Variants in SLC13A1 observed in about 807,000 individuals in gnomAD.
SLC13A1 encodes solute carrier family 13 member 1.
In SLC13A1, 65 loss-of-function variants were observed where a neutral mutation model predicts 70.0. The observed-to-expected ratio is 0.93, with a 90% CI of 0.76 to 1.14. The LOEUF (loss-of-function observed/expected upper bound fraction) is 1.14, where lower values mean the gene tolerates loss of function less well. Among genes scored for constraint, SLC13A1 ranks in the 50% most tolerant of loss-of-function variants. SLC13A1 has a pLI of 0.00. For synonymous variants in SLC13A1, 275 were observed against 250.5 expected (o/e 1.10, Z -0.92); for missense variants, 726 against 717.8 (o/e 1.01, Z -0.13).
intron 1 of SLC13A1, among the ~76,000 whole-genome samples, chr7:123,186,166 G>T (rs1795790618): frequency 6.6e-6 from 1 of 151,768 alleles, no homozygotes; most frequent in African/African-American, 2.4e-5. Context: ...TAAAATCAAA[G>T]ATCTGTGAAT....
In SLC13A1 at chr7:123,123,157, CCA is replaced by C. The variant is rs1207494331; in HGVS notation, c.1317_1318del (p.Gly440TrpfsTer10). ...ACCATCTGCCAGGGCAAACCCTCCA[CCA>C]ACAAGAATGGCTATATCCCAGGGCA... On this transcript the variant is annotated frameshift_variant, in exon 12 of 15. Coordinates refer to ENST00000194130, the MANE Select transcript of SLC13A1 (RefSeq NM_022444.4). LOFTEE classifies it high-confidence loss of function. 6.2e-7 allele frequency: 1 copy of C among 1,613,456 alleles called. No homozygotes were observed. Among genetic ancestry groups the C allele is most frequent in the South Asian group, 1.1e-5 (1 of 91,070 alleles).
intron 2 of SLC13A1, among the ~76,000 whole-genome samples, chr7:123,173,648 G>C (rs911731872): frequency 1.1e-4 from 16 of 152,020 alleles, no homozygotes; most frequent in Admixed American, 7.2e-4. Context: ...GTTTGTTTAC[G>C]TGCTTATTGT....
rs1793535815 is a variant in SLC13A1, at chr7:123,125,671, G to T, written c.1138C>A (p.Pro380Thr). The T allele has an allele frequency of 1.2e-6, 2 of 1,608,600 alleles. No individual in the cohort carries two copies. The highest frequency in any genetic ancestry group is 1.7e-4 in the Middle Eastern group (1 of 6,034). ...ACAGTTGAATCTGTAGCAAAACCAG[G>T]GTACCTGTAAAAGGGACAAATACAT... ...PGWSALFSEY[P>T]GFATDSTVAL... Residue 380 changes from proline to threonine, a missense_variant, in exon 11 of 15, where the codon CCT (proline) becomes ACT (threonine). Transcript: ENST00000194130.
At chr7:123,147,061 A>G in intron 7 of SLC13A1, 98 bp downstream of exon 7, 1 of 1,221,196 alleles carries the variant, frequency 8.2e-7, no homozygotes, top group Non-Finnish European at 1.1e-6. Context: ...AGTTAACATA[A>G]CATCTCTGTA....
Position 123,125,517 on chromosome 7 carries a change from G to T in SLC13A1, c.1240+52C>A, listed in dbSNP as rs1585292490. Reference sequence around the variant, plus strand: ...TGCCAAGCGAAACCAATGGAATTTTGTAATTTTTGCTCTTCTGTTAAATTT... The same window carrying T: ...TGCCAAGCGAAACCAATGGAATTTTTTAATTTTTGCTCTTCTGTTAAATTT... On this transcript the variant is annotated intron_variant, in intron 11 of 14. Coordinates refer to ENST00000194130, the MANE Select transcript of SLC13A1 (RefSeq NM_022444.4). The T allele has an allele frequency of 3.0e-6, 4 of 1,329,210 alleles. No individual in the cohort carries two copies. In the East Asian group the frequency reaches 6.9e-5, roughly 23 times the overall value. 82.3% of individuals were successfully genotyped at this position (1,329,210 alleles called of 1,614,324 possible).
intron 9 of SLC13A1, 21 bp from the exon 10 acceptor site, chr7:123,128,967 C>T (rs774652986): frequency 4.0e-6 from 6 of 1,493,640 alleles, no homozygotes; most frequent in Non-Finnish European, 4.7e-6. Flanking sequence ...ATTCCAATGG[C>T]ATCACTTCTT....
intron 6 of SLC13A1, among the ~76,000 whole-genome samples, chr7:123,166,551 C>A (rs981160077): frequency 6.6e-6 from 1 of 152,066 alleles, no homozygotes; most frequent in Non-Finnish European, 1.5e-5. Flanking sequence ...CCCCTTCCCC[C>A]ACCACACAAC....
At chr7:123,187,772 A>G (rs1002802188) in intron 1 of SLC13A1, among the ~76,000 whole-genome samples, 1 of 152,216 alleles carries the variant, frequency 6.6e-6, no homozygotes, top group African/African-American at 2.4e-5. Flanking sequence ...TCATTTTAAT[A>G]GATGTAGTAT....
intron 1 of SLC13A1, among the ~76,000 whole-genome samples, chr7:123,182,614 G>C (rs1036096362): frequency 6.6e-6 from 1 of 152,014 alleles, no homozygotes; most frequent in African/African-American, 2.4e-5. Context: ...ATCTATGAGG[G>C]TCTGCTAAAA....
At chr7:123,171,976 T>C in intron 2 of SLC13A1, 72 bp from the exon 3 acceptor site, 1 of 1,413,326 alleles carries the variant, frequency 7.1e-7, no homozygotes, top group Non-Finnish European at 9.8e-7. Flanking sequence ...AAAGACATTA[T>C]TATGCTGCTC....
At chr7:123,164,669 A>G (rs901950405) in intron 6 of SLC13A1, among the ~76,000 whole-genome samples, 2 of 151,860 alleles carry the variant, frequency 1.3e-5, no homozygotes, top group Non-Finnish European at 2.9e-5. Flanking sequence ...AACTCATGTC[A>G]TGAGTGTTAG....
intron 1 of SLC13A1, among the ~76,000 whole-genome samples, chr7:123,183,224 T>C (rs1018475930): frequency 6.6e-6 from 1 of 152,150 alleles, no homozygotes; most frequent in East Asian, 1.9e-4. Flanking sequence ...GGCAATTCTA[T>C]ATATTTGATT....
At chr7:123,192,615 C>T (rs1461739483) in intron 1 of SLC13A1, among the ~76,000 whole-genome samples, 1 of 151,974 alleles carries the variant, frequency 6.6e-6, no homozygotes, top group Non-Finnish European at 1.5e-5. Flanking sequence ...AATCACAGAC[C>T]TCAATCACTA....
chr7:123,165,220 C>T (rs1374286245), intron 6 of SLC13A1, among the ~76,000 whole-genome samples: 2 of 151,882 alleles, frequency 1.3e-5, no homozygotes, highest in East Asian at 1.9e-4. Context: ...TAAAATAATG[C>T]TTTCATGCAT....
chr7:123,180,009 C>A (rs143509608), intron 2 of SLC13A1, among the ~76,000 whole-genome samples: 136 of 152,168 alleles, frequency 8.9e-4, no homozygotes, highest in African/African-American at 3.2e-3. Context: ...AGAATGTCAG[C>A]CTGGAGGCAA....
chr7:123,191,042 TC>T (rs1313678230), intron 1 of SLC13A1, among the ~76,000 whole-genome samples: 1 of 152,208 alleles, frequency 6.6e-6, no homozygotes, highest in Admixed American at 6.5e-5. Flanking sequence ...AATTTTATTT[TC>T]AAATTTATTC....
Position 123,128,849 on chromosome 7 carries a change from A to T in SLC13A1, c.1129T>A (p.Ser377Thr). The stretch of plus-strand genomic sequence containing the variant: ...AACATAACGTGCAAAGCTTACTCTG[A>T]AAAAAGTGCAGACCAACCAGGAACA... Reference protein sequence around the residue: ...GFVPGWSALFSEYPGFATDST... With the variant: ...GFVPGWSALFTEYPGFATDST... Residue 377 changes from serine to threonine, a missense_variant, in exon 10 of 15, where the codon TCA becomes ACA. Coordinates refer to ENST00000194130, the MANE Select transcript of SLC13A1 (RefSeq NM_022444.4). 6.2e-7 allele frequency: 1 copy of T among 1,610,232 alleles called. No individual in the cohort carries two copies. The highest frequency in any genetic ancestry group is 1.7e-4 in the Middle Eastern group (1 of 6,056).
At chr7:123,182,617 T>C (rs759747443) in intron 1 of SLC13A1, among the ~76,000 whole-genome samples, 6 of 152,094 alleles carry the variant, frequency 3.9e-5, no homozygotes, top group Non-Finnish European at 8.8e-5. Context: ...TATGAGGGTC[T>C]GCTAAAACAT....
At chr7:123,180,427 G>C (rs1475455515) in intron 2 of SLC13A1, among the ~76,000 whole-genome samples, 1 of 152,028 alleles carries the variant, frequency 6.6e-6, no homozygotes, top group African/African-American at 2.4e-5. Flanking sequence ...ATGCGTTTGG[G>C]AAACCAAATC....
Sources: allele counts gnomAD v4.1 joint callset (sites outside exome capture counted in the v4.1 genomes callset), GRCh38; gene constraint gnomAD v4.1.1; transcripts MANE v1.5; gene names NCBI Gene and HGNC (gene_info 2026-07-23, HGNC 2026-07-21).